The following DENND1A variants were observed in gnomAD, a reference collection of about 807,000 sequenced individuals.
DENND1A encodes the protein DENN domain-containing protein 1A.
In DENND1A, 51 loss-of-function variants were observed where a neutral mutation model predicts 113.7. The observed-to-expected ratio is 0.45, with a 90% CI of 0.36 to 0.57. DENND1A has a LOEUF of 0.57. Among genes scored for constraint, DENND1A ranks in the 20% least tolerant of loss-of-function variants. The pLI, the probability that DENND1A is intolerant of heterozygous loss-of-function variation, is 0.00. For missense variants in DENND1A, 1,258 were observed against 1,395.9 expected, an observed-to-expected ratio of 0.90 and a Z score of 1.57; for synonymous variants, 565 against 570.8, an observed-to-expected ratio of 0.99 and a Z score of 0.14.
At chr9:123,674,342 T>TCTCTCTCACA (rs36033303) in intron 6 of DENND1A, among the ~76,000 whole-genome samples, 55 of 132,374 alleles carry the variant, frequency 4.2e-4, no homozygotes, top group African/African-American at 1.5e-3. Context: ...TGTCTCTCTC[T>TCTCTCTCACA]CACACACACA....
chr9:123,412,820 C>T (rs1309398676), intron 19 of DENND1A, among the ~76,000 whole-genome samples: 1 of 152,298 alleles, frequency 6.6e-6, no homozygotes, highest in East Asian at 1.9e-4. Flanking sequence ...CTGCCCATTC[C>T]GTCACTCAGG....
intron 5 of DENND1A, among the ~76,000 whole-genome samples, chr9:123,728,586 T>C (rs773133216): frequency 1.1e-4 from 17 of 150,626 alleles, no homozygotes; most frequent in Non-Finnish European, 2.4e-4. Flanking sequence ...TGGGATTTTC[T>C]ATAGCTATTA....
At chr9:123,698,383 A>G (rs1272061117) in intron 5 of DENND1A, among the ~76,000 whole-genome samples, 1 of 152,244 alleles carries the variant, frequency 6.6e-6, no homozygotes, top group Non-Finnish European at 1.5e-5. Flanking sequence ...CTTCAAGGCT[A>G]TACCACAAGT....
At chr9:123,460,174 C>G (rs988273313) in intron 13 of DENND1A, among the ~76,000 whole-genome samples, 2 of 152,182 alleles carry the variant, frequency 1.3e-5, no homozygotes, top group African/African-American at 2.4e-5. Context: ...GAGAAAAAAA[C>G]CCCACACTAG....
At chr9:123,923,298 T>C (rs1415756929) in intron 1 of DENND1A, among the ~76,000 whole-genome samples, 2 of 152,202 alleles carry the variant, frequency 1.3e-5, no homozygotes, top group Non-Finnish European at 2.9e-5. Context: ...AGAAAAGTCA[T>C]GAAAATTCAA....
intron 12 of DENND1A, among the ~76,000 whole-genome samples, chr9:123,561,951 A>G (rs1182082893): frequency 6.6e-5 from 10 of 152,078 alleles, no homozygotes; most frequent in African/African-American, 2.4e-4. Context: ...TGCCCATGAC[A>G]TTGGCCCTGC....
intron 11 of DENND1A, among the ~76,000 whole-genome samples, chr9:123,595,307 C>T (rs189212824): frequency 1.3e-5 from 2 of 152,278 alleles, no homozygotes; most frequent in East Asian, 1.9e-4. Flanking sequence ...AGCAAAGGGG[C>T]TCTTCCTCTA....
At chr9:123,498,091 A>T (rs1408230428) in intron 13 of DENND1A, among the ~76,000 whole-genome samples, 1 of 152,254 alleles carries the variant, frequency 6.6e-6, no homozygotes, top group East Asian at 1.9e-4. Context: ...CTGACAACTA[A>T]GAGATAGCTT....
rs994706850 is a variant in DENND1A, at chr9:123,630,605, A to T, written c.619-129T>A. The T allele has an allele frequency of 3.1e-5, 17 of 548,168 alleles. No individual in the cohort carries two copies. In the Admixed American group the frequency reaches 7.1e-4, roughly 23 times the overall value. 34.0% of individuals were successfully genotyped at this position (548,168 alleles called of 1,614,324 possible). The stretch of plus-strand genomic sequence containing the variant: ...ATAAGCTGAAAAACCTGGAGAAATC[A>T]TTCTAAGTTAACTCAATCACCCTAA... On this transcript the variant is annotated intron_variant, in intron 9 of 23. Transcript: ENST00000394215.
rs1276591995 is a variant in DENND1A at position 123,504,455 on chromosome 9, C to T, written c.994-46558G>A. Among the ~76,000 whole-genome samples, 8 of 152,344 alleles carry T rather than the reference C, an allele frequency of 5.3e-5. No individual in the cohort carries two copies. In the East Asian group the frequency reaches 7.7e-4, roughly 15 times the overall value. On this transcript the variant is annotated intron_variant, in intron 13 of 23. Coordinates refer to ENST00000394215, the MANE Select transcript of DENND1A (RefSeq NM_001352964.2). Reference sequence around the variant, plus strand: ...CATTGACCAAATGCTCACAGAACATCAGAAGGAGCCACTGGAAAATGACAG... The same window carrying T: ...CATTGACCAAATGCTCACAGAACATTAGAAGGAGCCACTGGAAAATGACAG...
At chr9:123,831,635 T>C (rs892279946) in intron 2 of DENND1A, among the ~76,000 whole-genome samples, 1 of 152,202 alleles carries the variant, frequency 6.6e-6, no homozygotes, top group Non-Finnish European at 1.5e-5. Context: ...GGACATTTGA[T>C]TAATGAAAGT....
intron 2 of DENND1A, among the ~76,000 whole-genome samples, chr9:123,812,396 T>C (rs1836771714): frequency 6.6e-6 from 1 of 152,168 alleles, no homozygotes; most frequent in African/African-American, 2.4e-5. Flanking sequence ...TTTTTCCCTG[T>C]TGATGATCAT....
chr9:123,432,028 T>G (rs1334247701), intron 19 of DENND1A, among the ~76,000 whole-genome samples: 2 of 152,150 alleles, frequency 1.3e-5, no homozygotes, highest in Non-Finnish European at 2.9e-5. Context: ...CTGCTGACAT[T>G]TCTCAGTTCT....
chr9:123,523,170 C>A (rs762439313), intron 13 of DENND1A, among the ~76,000 whole-genome samples: 5 of 152,102 alleles, frequency 3.3e-5, no homozygotes, highest in Non-Finnish European at 5.9e-5. Context: ...GTGTTGCCTC[C>A]GATCAGTCCA....
chr9:123,556,082 T>A (rs960594690), intron 13 of DENND1A, among the ~76,000 whole-genome samples: 1 of 152,290 alleles, frequency 6.6e-6, no homozygotes, highest in South Asian at 2.1e-4. Context: ...ATCAGAGCCA[T>A]GTCACTTTGA....
At chr9:123,593,262 T>C (rs1427498452) in intron 11 of DENND1A, among the ~76,000 whole-genome samples, 1 of 152,240 alleles carries the variant, frequency 6.6e-6, no homozygotes, top group Non-Finnish European at 1.5e-5. Flanking sequence ...GATTTAATCC[T>C]AGCTGAACCT....
At chr9:123,779,870 G>C (rs1831009538) in intron 3 of DENND1A, among the ~76,000 whole-genome samples, 1 of 106,138 alleles carries the variant, frequency 9.4e-6, no homozygotes, top group African/African-American at 6.7e-5. Flanking sequence ...ACTTGCATGA[G>C]ACTTTTTTTT....
At chr9:123,557,150 G>C (rs2057464452) in intron 13 of DENND1A, among the ~76,000 whole-genome samples, 1 of 152,234 alleles carries the variant, frequency 6.6e-6, no homozygotes, top group Non-Finnish European at 1.5e-5. Flanking sequence ...GGAAAGCAGG[G>C]GCTCCGGGGC....
At chr9:123,898,107 CTT>C (rs1564466169) in intron 1 of DENND1A, among the ~76,000 whole-genome samples, 1 of 152,094 alleles carries the variant, frequency 6.6e-6, no homozygotes, top group Non-Finnish European at 1.5e-5. Context: ...CCAGCCCAGA[CTT>C]TGTAATTTTA....
Sources: gnomAD v4.1 joint callset for allele counts (sites outside exome capture counted in the v4.1 genomes callset) on GRCh38, gnomAD v4.1.1 for gene constraint, MANE v1.5 for transcripts, NCBI Gene and HGNC (gene_info 2026-07-23, HGNC 2026-07-21) for gene names.